Variants in ARHGEF7 observed in about 807,000 individuals in gnomAD.
The protein encoded by ARHGEF7 is PAK-interacting exchange factor beta.
In ARHGEF7, 33 loss-of-function variants were observed where a neutral mutation model predicts 109.8. The ratio of observed to expected loss-of-function variants is 0.30; its 90% CI spans 0.23 to 0.40. ARHGEF7 has a LOEUF of 0.40. Among genes scored for constraint, ARHGEF7 ranks in the 10% least tolerant of loss-of-function variants. The pLI is 1.00. For missense variants in ARHGEF7, 938 were observed against 1,098.5 expected (o/e 0.85, Z 2.07); for synonymous variants, 458 against 424.6 (o/e 1.08, Z -0.97).
intron 2 of ARHGEF7, chr13:111,187,039 T>C (rs185860041): frequency 9.1e-6 from 9 of 985,034 alleles, no homozygotes; most frequent in Non-Finnish European, 9.6e-6. Context: ...TTGGTGTGGG[T>C]ATTGGGAGGG....
In ARHGEF7 at chr13:111,131,227, AGGAGAT is replaced by A. The variant is rs1361828433; in HGVS notation, c.165+15539_165+15544del. Among the ~76,000 whole-genome samples the A allele has an allele frequency of 1.3e-5, 2 of 152,158 alleles. No individual in the cohort carries two copies. Among genetic ancestry groups the A allele is most frequent in the African/African-American group, 4.8e-5 (2 of 41,512 alleles). ...GGCTGGAGTGGAGGCAGTGCTGACA[AGGAGAT>A]GGGGATGGCACCAAGGGAGCCCAGG... On this transcript the variant is annotated intron_variant, in intron 1 of 21. Coordinates refer to ENST00000646102, the MANE Select transcript of ARHGEF7 (RefSeq NM_001354046.2). This position sits in a 1 kb window ranked among gnomAD's most constrained non-coding sequence, Gnocchi z 4.4.
At chr13:111,141,739 G>T (rs997283604) in intron 1 of ARHGEF7, among the ~76,000 whole-genome samples, 3 of 151,944 alleles carry the variant, frequency 2.0e-5, no homozygotes, top group African/African-American at 7.3e-5. Flanking sequence ...GTACATCCTG[G>T]TTGCTTCCAA....
rs1319863166 is a variant in ARHGEF7, at chr13:111,228,298, C to T, written c.671-4907C>T. 4.6e-5 allele frequency among the ~76,000 whole-genome samples: 7 copies of T among 152,192 alleles called. No homozygotes were observed. The highest frequency in any genetic ancestry group is 1.5e-5 in the Non-Finnish European group (1 of 68,036). ...CAGGAAGATCTGAATATAGACTAGG[C>T]ATTAGATACTATTTAAAAATTATTA... is the stretch of plus-strand genomic sequence containing the variant. On this transcript the variant is annotated intron_variant, in intron 5 of 21. Coordinates refer to ENST00000646102, the MANE Select transcript of ARHGEF7 (RefSeq NM_001354046.2). This position sits in a 1 kb window ranked among gnomAD's most constrained non-coding sequence, Gnocchi z 4.6.
chr13:111,173,509 G>A (rs753737038), intron 2 of ARHGEF7, among the ~76,000 whole-genome samples: 2 of 152,186 alleles, frequency 1.3e-5, no homozygotes, highest in African/African-American at 2.4e-5. Context: ...GCTCTGTAGC[G>A]TAAGCTCAGC....
rs1369653806 is a variant in ARHGEF7 at position 111,154,006 on chromosome 13, C to T, written c.252+15C>T. 1.9e-6 allele frequency: 3 copies of T among 1,593,298 alleles called. No individual in the cohort carries two copies. Among genetic ancestry groups the T allele is most frequent in the Non-Finnish European group, 1.7e-6 (2 of 1,173,666 alleles). ...TGCGGCTGGAGGTGAGCGCGGGCGGCCACGGGCCGAGGGAGGGGCCGGGAA... is the reference window on the plus strand; with the variant it reads ...TGCGGCTGGAGGTGAGCGCGGGCGGTCACGGGCCGAGGGAGGGGCCGGGAA... On this transcript the variant is annotated intron_variant, in intron 2 of 21. Transcript: ENST00000646102.
Position 111,205,383 on chromosome 13 carries a change from T to C in ARHGEF7, c.337+10T>C, listed in dbSNP as rs752891022. ...AATAAAGTAACAGCAGGTAAGACTCTTTTTTATTGAACTCGAGGGGGTGGG... is the reference window on the plus strand; with the variant it reads ...AATAAAGTAACAGCAGGTAAGACTCCTTTTTATTGAACTCGAGGGGGTGGG... On this transcript the variant is annotated intron_variant, in intron 3 of 21. Coordinates refer to ENST00000646102, the MANE Select transcript of ARHGEF7 (RefSeq NM_001354046.2). 3 of 1,572,198 alleles carry C rather than the reference T, an allele frequency of 1.9e-6. No individual in the cohort carries two copies. Among genetic ancestry groups the C allele is most frequent in the Admixed American group, 4.0e-5 (2 of 49,768 alleles).
At chr13:111,244,526 G>T (rs971908298) in intron 8 of ARHGEF7, among the ~76,000 whole-genome samples, 3 of 152,222 alleles carry the variant, frequency 2.0e-5, no homozygotes, top group African/African-American at 7.2e-5. Flanking sequence ...GGTGTTCCAT[G>T]GAGGAAGAGT....
intron 19 of ARHGEF7, among the ~76,000 whole-genome samples, chr13:111,296,022 G>A (rs933663037): frequency 2.0e-5 from 3 of 152,170 alleles, no homozygotes; most frequent in Non-Finnish European, 4.4e-5. Flanking sequence ...GGACAGTTGC[G>A]CTGCGTTGCT....
chr13:111,263,794 G>A (rs2091342493), intron 8 of ARHGEF7, among the ~76,000 whole-genome samples: 1 of 144,372 alleles, frequency 6.9e-6, no homozygotes, highest in Non-Finnish European at 1.6e-5. Flanking sequence ...AAACCTGTGT[G>A]TCTTAAAGGG....
chr13:111,151,846 G>C (rs1029754006), intron 1 of ARHGEF7, among the ~76,000 whole-genome samples: 2 of 152,088 alleles, frequency 1.3e-5, no homozygotes, highest in East Asian at 1.9e-4. Flanking sequence ...ACTAAGTAGA[G>C]TGAGAAGAGG....
chr13:111,153,863 G>A (rs894053562), intron 1 of ARHGEF7, 42 bp from the exon 2 acceptor site: 2 of 1,576,774 alleles, frequency 1.3e-6, no homozygotes, highest in Non-Finnish European at 1.7e-6. Context: ...CGGCGTCCCC[G>A]CTGCCGGCCA....
At chr13:111,257,025 A>C (rs2090502910) in intron 8 of ARHGEF7, among the ~76,000 whole-genome samples, 1 of 152,194 alleles carries the variant, frequency 6.6e-6, no homozygotes, top group Non-Finnish European at 1.5e-5. Context: ...TTGGTTCCAA[A>C]GTTGTAATAA....
At chr13:111,158,977 C>A in intron 2 of ARHGEF7, 1 of 717,020 alleles carries the variant, frequency 1.4e-6, no homozygotes, top group Non-Finnish European at 2.6e-6. Flanking sequence ...TCCTCCCGTC[C>A]GACTGAAATT....
chr13:111,281,181 C>CTTTTTTTTTTTTTTTTTTTTT (rs11403258), intron 15 of ARHGEF7: 9 of 59,444 alleles, frequency 1.5e-4, no homozygotes, highest in Non-Finnish European at 2.1e-4. Flanking sequence ...TATTTAGAGA[C>CTTTTTTTTTTTTTTTTTTTTT]TTTTTTTTTT....
chr13:111,294,953 A>G (rs79176704), intron 19 of ARHGEF7: 32,842 of 984,846 alleles, frequency 0.033, 624 homozygotes, highest in Non-Finnish European at 0.036. Context: ...AGTAATGTGT[A>G]TATAGTGGTA....
chr13:111,115,504 CG>C lies in ARHGEF7; in HGVS notation c.-22del. The C allele has an allele frequency of 7.8e-7, 1 of 1,279,212 alleles. No homozygotes were observed. The highest frequency in any genetic ancestry group is 1.7e-5 in the South Asian group (1 of 58,440). The allele number at this position is 1,279,212 out of a possible 1,614,324, so 79.2% of individuals were successfully genotyped here. ...CGAGGTGAAGGCGCGCGCCCCTCCC[CG>C]CCTGCCTCCCGGGCCGCAGCGATGA... On this transcript the variant is annotated 5_prime_UTR_variant, in exon 1 of 22. Transcript: ENST00000646102.
chr13:111,231,712 T>C (rs1443005943), intron 5 of ARHGEF7, among the ~76,000 whole-genome samples: 1 of 152,116 alleles, frequency 6.6e-6, no homozygotes, highest in Non-Finnish European at 1.5e-5. Context: ...ACTGAGATTG[T>C]GGATGGGGGA....
At chr13:111,143,644 T>G (rs969840017) in intron 1 of ARHGEF7, 1 of 152,142 alleles carries the variant, frequency 6.6e-6, no homozygotes, top group Non-Finnish European at 1.5e-5. Context: ...AGACTCAACT[T>G]GAGTTGTCTT....
At chr13:111,133,757 TTTTCTTTATATATA>T (rs1380424708) in intron 1 of ARHGEF7, among the ~76,000 whole-genome samples, 38 of 115,834 alleles carry the variant, frequency 3.3e-4, no homozygotes, top group Non-Finnish European at 4.7e-4. Flanking sequence ...GAGAATCTGC[TTTTCTTTATATATA>T]TATATATATA....
Sources: allele counts gnomAD v4.1 joint callset (sites outside exome capture counted in the v4.1 genomes callset), GRCh38; gene constraint gnomAD v4.1.1; non-coding constraint Gnocchi (gnomAD v3.1); transcripts MANE v1.5; gene names NCBI Gene and HGNC (gene_info 2026-07-23, HGNC 2026-07-21).